Variants in ZNF253 observed in about 807,000 individuals in gnomAD.
ZNF253 encodes the protein zinc finger protein 253, also known as DNA-binding protein.
In ZNF253, 8 loss-of-function variants were observed where a neutral mutation model predicts 11.9. The observed-to-expected ratio is 0.67, with a 90% confidence interval of 0.40 to 1.22. The LOEUF (loss-of-function observed/expected upper bound fraction) is 1.22, where lower values mean the gene tolerates loss of function less well. ZNF253 is among the 50% of genes most tolerant of loss of function. The probability of loss-of-function intolerance (pLI) is 0.01; values close to 1 mark genes in which losing one functional copy is unlikely to be tolerated. For missense variants in ZNF253, 485 were observed against 586.9 expected (o/e 0.83, Z 1.79); for synonymous variants, 194 against 194.9 (o/e 1.00, Z 0.04).
At chr19:19,874,623 A>T (rs2063147091) in intron 1 of ZNF253, among the ~76,000 whole-genome samples, 1 of 151,940 alleles carries the variant, frequency 6.6e-6, no homozygotes, top group South Asian at 2.1e-4. Context: ...TAAAAATTAC[A>T]GAAACAGGCC....
intron 3 of ZNF253, among the ~76,000 whole-genome samples, chr19:19,890,962 C>G (rs1303229689): frequency 6.7e-6 from 1 of 150,202 alleles, no homozygotes; most frequent in Non-Finnish European, 1.5e-5. Flanking sequence ...TGCCGCAGCC[C>G]TCCGAGTAGC....
chr19:19,866,070 G>C (rs1192390207), intron 1 of ZNF253, 71 bp downstream of exon 1: 2 of 1,600,618 alleles, frequency 1.2e-6, no homozygotes, highest in East Asian at 2.2e-5. Context: ...GCTCTGGCGG[G>C]ACTCTGCTTC....
At chr19:19,880,702 C>T (rs1328330083) in intron 3 of ZNF253, among the ~76,000 whole-genome samples, 1 of 148,560 alleles carries the variant, frequency 6.7e-6, no homozygotes, top group Non-Finnish European at 1.5e-5. Flanking sequence ...GAGACTCCAT[C>T]TCACAAAAAA....
chr19:19,875,768 T>G lies in ZNF253; in HGVS notation c.4-2713T>G, dbSNP rs569749953. ...TATTCTATGTAATTTTTTTAAAAAG[T>G]TGATGATGGAGAAACAGAGGAAGAA... On this transcript the variant is annotated intron_variant, in intron 1 of 3. Coordinates refer to ENST00000589717, the MANE Select transcript of ZNF253 (RefSeq NM_021047.3). Among the ~76,000 whole-genome samples the G allele has an allele frequency of 3.9e-5, 6 of 152,274 alleles. No individual in the cohort carries two copies. The East Asian group carries it at 9.6e-4, about 24-fold the overall frequency.
intron 1 of ZNF253, among the ~76,000 whole-genome samples, chr19:19,870,391 C>CA (rs1045415774): frequency 0.12 from 9,459 of 76,652 alleles, 393 homozygotes; most frequent in Admixed American, 0.21. Context: ...GATTGTGTCT[C>CA]AAAAAAAAAA....
chr19:19,877,380 C>CTTT (rs57209218), intron 1 of ZNF253, among the ~76,000 whole-genome samples: 1 of 145,088 alleles, frequency 6.9e-6, no homozygotes. Context: ...TCTTCTTCTT[C>CTTT]TTTTTTTTTT....
At chr19:19,870,157 G>A (rs1372200673) in intron 1 of ZNF253, among the ~76,000 whole-genome samples, 1 of 152,004 alleles carries the variant, frequency 6.6e-6, no homozygotes, top group Non-Finnish European at 1.5e-5. Flanking sequence ...AACACTTTGA[G>A]AGGCTGAGGC....
Position 19,893,177 on chromosome 19 carries a change from A to T in ZNF253, c.*430A>T. 1 of 166,208 alleles carries T rather than the reference A, an allele frequency of 6.0e-6. No homozygotes were observed. The highest frequency in any genetic ancestry group is 3.1e-3 in the Middle Eastern group (1 of 326). The allele number at this position is 166,208 out of a possible 1,614,324, so 10.3% of individuals were successfully genotyped here. On this transcript the variant is annotated 3_prime_UTR_variant, in exon 4 of 4. Coordinates refer to ENST00000589717, the MANE Select transcript of ZNF253 (RefSeq NM_021047.3). ...ATTTTTAGTAGAGATGGGGTTTCACAATGTTGGCCAGGCTGGTCTCGAACT... is the reference window on the plus strand; with the variant it reads ...ATTTTTAGTAGAGATGGGGTTTCACTATGTTGGCCAGGCTGGTCTCGAACT...
intron 1 of ZNF253, among the ~76,000 whole-genome samples, chr19:19,876,213 A>G (rs1304604443): frequency 6.6e-6 from 1 of 152,220 alleles, no homozygotes; most frequent in Non-Finnish European, 1.5e-5. Flanking sequence ...GAACTTGTTT[A>G]AAACACCCAT....
Position 19,885,257 on chromosome 19 carries a change from TTC to T in ZNF253, c.226+5113_226+5114del, listed in dbSNP as rs1491206033. 1.8e-4 allele frequency among the ~76,000 whole-genome samples: 12 copies of T among 67,456 alleles called. 2 individuals are homozygous for T. Among genetic ancestry groups the T allele is most frequent in the Non-Finnish European group, 2.3e-4 (10 of 42,872 alleles). The allele number at this position is 67,456 out of a possible 152,430, so 44.3% of individuals were successfully genotyped here. Reference sequence around the variant, plus strand: ...TTTCTTTCTTTCTTTCTTTCTTTCTTTCTTTCTTTCTTTCTTTCTTTCTTTCT... The same window carrying T: ...TTTCTTTCTTTCTTTCTTTCTTTCTTTTTCTTTCTTTCTTTCTTTCTTTCT... On this transcript the variant is annotated intron_variant, in intron 3 of 3. Transcript: ENST00000589717.
At chr19:19,884,303 CAT>C (rs2122125890) in intron 3 of ZNF253, among the ~76,000 whole-genome samples, 1 of 152,176 alleles carries the variant, frequency 6.6e-6, no homozygotes, top group East Asian at 1.9e-4. Context: ...GTACAATAAA[CAT>C]ATATTTTCAA....
Position 19,865,887 on chromosome 19 carries a change from T to C in ZNF253, c.-110T>C, listed in dbSNP as rs539839524. ...CGCTGCAGCGGGAGCTCCAGGTTTA[T>C]CCTCAGTGTTCTGTGTCCTGTGCTT... is the stretch of plus-strand genomic sequence containing the variant. On this transcript the variant is annotated 5_prime_UTR_variant, in exon 1 of 4. Transcript: ENST00000589717. The C allele has an allele frequency of 5.1e-6, 7 of 1,385,698 alleles. 1 individual carries two copies. In the South Asian group the frequency reaches 8.1e-5, roughly 16 times the overall value. The allele number at this position is 1,385,698 out of a possible 1,614,324, so 85.8% of individuals were successfully genotyped here.
intron 3 of ZNF253, among the ~76,000 whole-genome samples, chr19:19,885,384 TCTTTCTTTTCTTTCTTTCTTTTC>T (rs1208753829): frequency 3.4e-5 from 3 of 89,086 alleles, no homozygotes; most frequent in African/African-American, 2.3e-4. Flanking sequence ...TTCTTTCTTT[TCTTTCTTTTCTTTCTTTCTTTTC>T]TTAGATGGAG....
intron 3 of ZNF253, 102 bp downstream of exon 3, chr19:19,880,248 C>A: frequency 1.7e-5 from 12 of 723,284 alleles, no homozygotes; most frequent in East Asian, 4.1e-5. Flanking sequence ...AGCTGTGTTC[C>A]AAAGGAAATA....
At chr19:19,888,430 GT>G (rs373156931) in intron 3 of ZNF253, among the ~76,000 whole-genome samples, 44 of 145,608 alleles carry the variant, frequency 3.0e-4, no homozygotes, top group South Asian at 4.3e-4. Context: ...GTCTTTTTGT[GT>G]TTTTTTTTTA....
intron 1 of ZNF253, among the ~76,000 whole-genome samples, chr19:19,873,003 G>A (rs893435758): frequency 1.2e-4 from 19 of 152,082 alleles, no homozygotes; most frequent in East Asian, 7.7e-4. Context: ...GATTGTGAAC[G>A]TACAGAAAAC....
At chr19:19,878,776 C>T (rs967816493) in intron 2 of ZNF253, 169 bp downstream of exon 2, 1 of 600,062 alleles carries the variant, frequency 1.7e-6, no homozygotes, top group Non-Finnish European at 2.6e-6. Context: ...TTTATTATGA[C>T]CACAAAGATA....
intron 1 of ZNF253, among the ~76,000 whole-genome samples, chr19:19,872,747 G>T (rs766299964): frequency 2.0e-5 from 3 of 151,562 alleles, no homozygotes; most frequent in Non-Finnish European, 4.4e-5. Context: ...TTTGCTCCCA[G>T]GTTATAATCC....
intron 1 of ZNF253, 84 bp from the exon 2 acceptor site, chr19:19,878,397 C>G: frequency 6.2e-7 from 1 of 1,607,746 alleles, no homozygotes; most frequent in South Asian, 1.1e-5. Context: ...AACCAGTTCT[C>G]TTTACTCTCT....
Sources: allele counts gnomAD v4.1 joint callset (sites outside exome capture counted in the v4.1 genomes callset), GRCh38; gene constraint gnomAD v4.1.1; transcripts MANE v1.5; gene names NCBI Gene and HGNC (gene_info 2026-07-23, HGNC 2026-07-21).